Variants in ZNF799 observed in about 807,000 individuals in gnomAD.
ZNF799 encodes zinc finger protein 799.
ZNF799 carries 28 observed loss-of-function variants against 41.0 expected under a neutral mutation model. The observed-to-expected ratio is 0.68, with a 90% CI of 0.51 to 0.94. ZNF799 has a LOEUF of 0.94. ZNF799 is among the 40% of genes least tolerant of loss of function. ZNF799 has a pLI of 0.00. For synonymous variants in ZNF799, 213 were observed against 252.9 expected (o/e 0.84, Z 1.50); for missense variants, 716 against 764.3 (o/e 0.94, Z 0.74).
At chr19:12,401,382 A>T, upstream of ZNF799, 1 of 687,344 alleles carries the variant, frequency 1.5e-6, no homozygotes, top group Non-Finnish European at 2.3e-6. Flanking sequence ...GAGCCAGATG[A>T]GCAAGTTCCT....
At chr19:12,405,688 AAC>A (rs1471810991), upstream of ZNF799, among the ~76,000 whole-genome samples, 7 of 152,232 alleles carry the variant, frequency 4.6e-5, no homozygotes, top group Non-Finnish European at 8.8e-5. Context: ...AGTCTCTGCA[AAC>A]ACAGTTTGAA....
rs780292679 is a variant in ZNF799, at chr19:12,391,204, A to C, written c.1194T>G (p.Cys398Trp). ...CACTGGGATAAACAAAGGCTTTCCC[A>C]CATATCTTGCATTTGTGAGGTCCAT... ...TGDGPHKCKI[C>W]GKAFVYPSVF... The change falls in exon 4 of 4, where the codon TGT becomes TGG. Residue 398 changes from cysteine to tryptophan, a missense_variant. Coordinates refer to ENST00000430385, the MANE Select transcript of ZNF799 (RefSeq NM_001080821.3). 1 of 1,614,194 alleles carries C rather than the reference A, an allele frequency of 6.2e-7. No individual in the cohort carries two copies. Among genetic ancestry groups the C allele is most frequent in the Non-Finnish European group, 8.5e-7 (1 of 1,180,018 alleles).
Position 12,391,488 on chromosome 19 carries a change from T to C in ZNF799, c.910A>G (p.Thr304Ala). The stretch of plus-strand genomic sequence containing the variant: ...TGACATGCATAGGGTTTCTCATCAG[T>C]GTGAGTTGTTTCGTGTCTTCGAAGG... The part of the protein sequence containing the change: ...TSLRRHETTH[T>A]DEKPYACQQC... The change falls in exon 4 of 4, where the codon ACT (threonine) becomes GCT (alanine). Residue 304 changes from threonine (T) to alanine (A), a missense_variant. By Grantham distance (58) the Thr-to-Ala change is moderately conservative. Transcript: ENST00000430385. 6.2e-7 allele frequency: 1 copy of C among 1,614,078 alleles called. No individual in the cohort carries two copies. Among genetic ancestry groups the C allele is most frequent in the East Asian group, 2.2e-5 (1 of 44,872 alleles).
the ZNF799 span, among the ~76,000 whole-genome samples, chr19:12,407,019 A>G: frequency 6.6e-6 from 1 of 152,244 alleles, no homozygotes; most frequent in Non-Finnish European, 1.5e-5. Context: ...GTGACTAACT[A>G]AAGAAAAACA....
chr19:12,414,069 C>T, the ZNF799 span, among the ~76,000 whole-genome samples: 10 of 152,302 alleles, frequency 6.6e-5, no homozygotes, highest in Non-Finnish European at 1.0e-4. Context: ...CTCTTAGCAA[C>T]AGAGCTGGGA....
intron 1 of ZNF799, chr19:12,393,703 A>G (rs1178451971): frequency 8.2e-7 from 1 of 1,224,712 alleles, no homozygotes; most frequent in Admixed American, 3.6e-5. Context: ...CCTAATGTTG[A>G]TTTCCACAGT....
chr19:12,391,141 T>C lies in ZNF799; in HGVS notation c.1257A>G (p.Lys419=). ...QRHEKTHTAE[K]PYKCKQCGKA... ...TGCCACATTGTTTACATTTATAGGG[T>C]TTCTCTGCAGTGTGAGTCTTTTCAT... Residue 419 remains lysine (K), a synonymous_variant, in exon 4 of 4, where the codon AAA becomes AAG. Coordinates refer to ENST00000430385, the MANE Select transcript of ZNF799 (RefSeq NM_001080821.3). 6.2e-7 allele frequency: 1 copy of C among 1,614,144 alleles called. No homozygotes were observed. The highest frequency in any genetic ancestry group is 8.5e-7 in the Non-Finnish European group (1 of 1,180,006).
At position 12,391,082 on chromosome 19, in the gene ZNF799, T is replaced by C. The variant is rs778219417; in HGVS notation, c.1316A>G (p.His439Arg). Residue 439 changes from histidine (H) to arginine (R), a missense_variant, in exon 4 of 4, where the codon CAT becomes CGT. Physicochemically the swap from His to Arg is conservative, Grantham distance 29. Around this residue, in one of 2 missense-constraint regions of ZNF799, gnomAD observed 698 missense variants for 713.6 expected, o/e 0.98. Transcript: ENST00000430385. ...TTTCTCTCCAGTATGAGTTGTTTCATGCCTTCGAAGAGAACTGGAAATACG... is the reference window on the plus strand; with the variant it reads ...TTTCTCTCCAGTATGAGTTGTTTCACGCCTTCGAAGAGAACTGGAAATACG... ...AYRISSSLRR[H>R]ETTHTGEKPY... The C allele has an allele frequency of 1.2e-5, 19 of 1,614,104 alleles. No individual in the cohort carries two copies. Among genetic ancestry groups the C allele is most frequent in the Non-Finnish European group, 1.5e-5 (18 of 1,180,028 alleles).
In ZNF799 at chr19:12,391,165, A is replaced by G. The variant is rs891944936; in HGVS notation, c.1233T>C (p.His411=). The G allele has an allele frequency of 1.4e-5, 22 of 1,614,070 alleles. No individual in the cohort carries two copies. Among genetic ancestry groups the G allele is most frequent in the Admixed American group, 6.7e-5 (4 of 60,000 alleles). The change falls in exon 4 of 4, where the codon CAT becomes CAC. Residue 411 remains histidine, a synonymous_variant. Transcript: ENST00000430385. ...GTTTCTCTGCAGTGTGAGTCTTTTC[A>G]TGCCTTTGAAATACACTGGGATAAA... is the stretch of plus-strand genomic sequence containing the variant. ...AFVYPSVFQR[H]EKTHTAEKPY... is the part of the protein sequence containing the mutation.
intron 1 of ZNF799, among the ~76,000 whole-genome samples, chr19:12,396,807 G>A (rs1969900773): frequency 6.7e-6 from 1 of 149,888 alleles, no homozygotes; most frequent in South Asian, 2.1e-4. Flanking sequence ...ATCTAATGGG[G>A]AAAAAAAAAG....
At chr19:12,393,033 C>T (rs1488068649) in intron 2 of ZNF799, among the ~76,000 whole-genome samples, 4 of 149,736 alleles carry the variant, frequency 2.7e-5, no homozygotes, top group East Asian at 1.9e-4. Flanking sequence ...TGAGAATATA[C>T]GATGTAATAA....
chr19:12,400,978 C>G, intron 1 of ZNF799, 90 bp downstream of exon 1: 5 of 1,611,608 alleles, frequency 3.1e-6, no homozygotes, highest in Non-Finnish European at 4.2e-6. Context: ...CGGAGTAGCC[C>G]TTGGGGAGGC....
chr19:12,391,453 C>G lies in ZNF799; in HGVS notation c.945G>C (p.Gly315=), dbSNP rs1393631296. 1 of 1,614,098 alleles carries G rather than the reference C, an allele frequency of 6.2e-7. No homozygotes were observed. Among genetic ancestry groups the G allele is most frequent in the Non-Finnish European group, 8.5e-7 (1 of 1,179,996 alleles). ...AGCTTCCCAGATGATGAAACGCTTT[C>G]CCACATTGCTGACATGCATAGGGTT... ...DEKPYACQQC[G]KAFHHLGSFQ... Residue 315 remains glycine (G), a synonymous_variant, in exon 4 of 4, where the codon GGG becomes GGC. Coordinates refer to ENST00000430385, the MANE Select transcript of ZNF799 (RefSeq NM_001080821.3).
At chr19:12,401,016 A>G (rs913878769) in intron 1 of ZNF799, 52 bp downstream of exon 1, 1 of 1,613,612 alleles carries the variant, frequency 6.2e-7, no homozygotes, top group Non-Finnish European at 8.5e-7. Context: ...CGATTACTGC[A>G]GGTTCCACCC....
chr19:12,403,719 A>T (rs1006481771), upstream of ZNF799, among the ~76,000 whole-genome samples: 2 of 151,874 alleles, frequency 1.3e-5, no homozygotes, highest in African/African-American at 4.8e-5. Flanking sequence ...TGTCTGGTTA[A>T]TTTTTTGTAT....
upstream of ZNF799, among the ~76,000 whole-genome samples, chr19:12,405,645 T>C (rs1970024423): frequency 6.6e-6 from 1 of 152,204 alleles, no homozygotes; most frequent in Non-Finnish European, 1.5e-5. Flanking sequence ...CACAGAGGAA[T>C]AGACATCAGT....
chr19:12,409,165 C>T, the ZNF799 span, among the ~76,000 whole-genome samples: 2 of 152,040 alleles, frequency 1.3e-5, no homozygotes, highest in Non-Finnish European at 2.9e-5. Flanking sequence ...TGTTCCACCT[C>T]ACATCATCAG....
At chr19:12,412,555 AAC>A in the ZNF799 span, among the ~76,000 whole-genome samples, 2 of 146,340 alleles carry the variant, frequency 1.4e-5, no homozygotes, top group Admixed American at 6.8e-5. Context: ...AAAAAAAAAA[AAC>A]CCACGAAATG....
At chr19:12,393,867 A>C (rs1238557870) in intron 1 of ZNF799, 1 of 501,610 alleles carries the variant, frequency 2.0e-6, no homozygotes, top group Non-Finnish European at 2.7e-6. Context: ...GGAGGGCCCC[A>C]GGAGCGTAAC....
Sources: gnomAD v4.1 joint callset for allele counts (sites outside exome capture counted in the v4.1 genomes callset) on GRCh38, gnomAD v4.1.1 for gene constraint, gnomAD v4.1.1 regional missense constraint, MANE v1.5 for transcripts, NCBI Gene and HGNC (gene_info 2026-07-23, HGNC 2026-07-21) for gene names.